The following WWOX variants were observed in gnomAD, a reference collection of about 807,000 sequenced individuals.
WWOX encodes the protein WW domain-containing oxidoreductase.
WWOX carries 69 observed loss-of-function variants against 46.2 expected under a neutral mutation model. The ratio of observed to expected loss-of-function variants is 1.49; its 90% CI spans 1.23 to 1.82. WWOX has a LOEUF of 1.82. Among genes scored for constraint, WWOX ranks in the 40% most tolerant of loss-of-function variants. The pLI, the probability that WWOX is intolerant of heterozygous loss-of-function variation, is 0.00. For synonymous variants in WWOX, 359 were observed against 202.6 expected (o/e 1.77, Z -6.56); for missense variants, 919 against 542.6 (o/e 1.69, Z -6.89).
intron 8 of WWOX, among the ~76,000 whole-genome samples, chr16:79,001,898 T>C (rs1340432082): frequency 6.6e-6 from 1 of 152,150 alleles, no homozygotes; most frequent in Admixed American, 6.5e-5. Flanking sequence ...ACCTCTTGGC[T>C]TATCTTAATT....
In WWOX at chr16:78,708,364, G is replaced by A. The variant is rs534693427; in HGVS notation, c.1056+275612G>A. Among the ~76,000 whole-genome samples, 148 of 152,072 alleles carry A rather than the reference G, an allele frequency of 9.7e-4. 1 individual carries two copies. In the South Asian group the frequency reaches 0.015, roughly 15 times the overall value. On this transcript the variant is annotated intron_variant, in intron 8 of 8. Coordinates refer to ENST00000566780, the MANE Select transcript of WWOX (RefSeq NM_016373.4). ...TTTATGTGAAACTCAAATTTTACTCGGCATCCTGTGTTTTTATTTGCTAGA... is the reference window on the plus strand; with the variant it reads ...TTTATGTGAAACTCAAATTTTACTCAGCATCCTGTGTTTTTATTTGCTAGA...
chr16:78,966,098 G>T (rs527587052), intron 8 of WWOX, among the ~76,000 whole-genome samples: 1 of 152,098 alleles, frequency 6.6e-6, no homozygotes, highest in African/African-American at 2.4e-5. Flanking sequence ...TTTTTGCGTG[G>T]CTTCTTACCT....
At chr16:78,435,565 C>T (rs1012244237) in intron 8 of WWOX, among the ~76,000 whole-genome samples, 1 of 152,086 alleles carries the variant, frequency 6.6e-6, no homozygotes, top group South Asian at 2.1e-4. Flanking sequence ...GTGGTGACAT[C>T]GCAAAAATCC....
intron 8 of WWOX, among the ~76,000 whole-genome samples, chr16:78,864,971 C>G (rs944669848): frequency 1.3e-5 from 2 of 151,700 alleles, no homozygotes; most frequent in African/African-American, 4.8e-5. Flanking sequence ...CCATGTTGGC[C>G]AGGCTGGTCT....
intron 8 of WWOX, among the ~76,000 whole-genome samples, chr16:78,808,884 C>T (rs867515161): frequency 4.6e-5 from 7 of 152,124 alleles, no homozygotes; most frequent in Non-Finnish European, 7.3e-5. Flanking sequence ...AGTTGTGTGG[C>T]TTGGTGGAGC....
intron 8 of WWOX, among the ~76,000 whole-genome samples, chr16:78,536,099 AG>A (rs1348608943): frequency 2.0e-5 from 3 of 152,184 alleles, no homozygotes; most frequent in African/African-American, 7.2e-5. Context: ...CCTTGTATAC[AG>A]TAAGCATTCA....
At chr16:78,984,437 G>C (rs1384514408) in intron 8 of WWOX, among the ~76,000 whole-genome samples, 3 of 152,208 alleles carry the variant, frequency 2.0e-5, no homozygotes, top group Non-Finnish European at 2.9e-5. Flanking sequence ...CAACTCTGCT[G>C]TTGTAGTGCA....
At chr16:79,158,424 T>A (rs1046329198) in intron 8 of WWOX, among the ~76,000 whole-genome samples, 17 of 152,140 alleles carry the variant, frequency 1.1e-4, no homozygotes, top group African/African-American at 3.4e-4. Flanking sequence ...ATCACTTGCT[T>A]TAGATGGAAT....
intron 8 of WWOX, among the ~76,000 whole-genome samples, chr16:79,126,279 AC>A (rs2049752557): frequency 6.6e-6 from 1 of 152,276 alleles, no homozygotes; most frequent in Non-Finnish European, 1.5e-5. Flanking sequence ...CACCTAGTCA[AC>A]ATGAGTGATT....
chr16:78,584,402 G>C (rs372892190), intron 8 of WWOX, among the ~76,000 whole-genome samples: 2 of 152,154 alleles, frequency 1.3e-5, no homozygotes, highest in African/African-American at 4.8e-5. Flanking sequence ...TTGGGATTTC[G>C]CAACACGTCG....
chr16:78,695,187 T>G (rs1049533806), intron 8 of WWOX, among the ~76,000 whole-genome samples: 4 of 152,204 alleles, frequency 2.6e-5, no homozygotes, highest in Admixed American at 6.5e-5. Flanking sequence ...TGTTAAGGTA[T>G]GAAAACCCTG....
At chr16:78,170,691 C>G (rs1263741734) in intron 5 of WWOX, among the ~76,000 whole-genome samples, 1 of 152,176 alleles carries the variant, frequency 6.6e-6, no homozygotes, top group African/African-American at 2.4e-5. Flanking sequence ...GAAAAGCCAT[C>G]TTAACTATTT....
intron 8 of WWOX, among the ~76,000 whole-genome samples, chr16:79,129,409 G>C (rs1242501455): frequency 6.8e-6 from 1 of 147,724 alleles, no homozygotes; most frequent in Non-Finnish European, 1.5e-5. Flanking sequence ...CGATCTTGAT[G>C]TATCTATCAA....
At chr16:78,846,582 G>A (rs1206592764) in intron 8 of WWOX, among the ~76,000 whole-genome samples, 1 of 152,080 alleles carries the variant, frequency 6.6e-6, no homozygotes, top group Non-Finnish European at 1.5e-5. Flanking sequence ...CCATTCTTCG[G>A]CCATCAAGTC....
chr16:79,186,885 T>G (rs1488496636), intron 8 of WWOX, among the ~76,000 whole-genome samples: 1 of 152,100 alleles, frequency 6.6e-6, no homozygotes, highest in Non-Finnish European at 1.5e-5. Flanking sequence ...ACATATTGGT[T>G]TTTCACCACA....
chr16:79,045,955 C>G (rs568986567), intron 8 of WWOX, among the ~76,000 whole-genome samples: 13 of 151,980 alleles, frequency 8.6e-5, no homozygotes, highest in African/African-American at 3.1e-4. Context: ...GTGCACACCA[C>G]CATGGCTGGC....
At chr16:79,109,943 C>T (rs556291503) in intron 8 of WWOX, among the ~76,000 whole-genome samples, 1 of 152,284 alleles carries the variant, frequency 6.6e-6, no homozygotes, top group South Asian at 2.1e-4. Context: ...CTTAAAATGT[C>T]AGTTGCATGG....
intron 8 of WWOX, among the ~76,000 whole-genome samples, chr16:78,674,206 A>G (rs987925706): frequency 2.0e-5 from 3 of 151,552 alleles, no homozygotes; most frequent in Admixed American, 2.0e-4. Flanking sequence ...CTTGTGACAG[A>G]GGGAGGAACA....
At position 78,384,490 on chromosome 16, in the gene WWOX, C is replaced by T. The variant is rs148492157; in HGVS notation, c.517-2370C>T. On this transcript the variant is annotated intron_variant, in intron 5 of 8. Coordinates refer to ENST00000566780, the MANE Select transcript of WWOX (RefSeq NM_016373.4). ...CAGACAGCTTATGAGGGTTCTGCTC[C>T]TCATCTGGAGGTACACACCTTTCAC... 1.4e-3 allele frequency among the ~76,000 whole-genome samples: 212 copies of T among 152,222 alleles called. 1 individual carries two copies. The highest frequency in any genetic ancestry group is 4.6e-3 in the African/African-American group (192 of 41,528).
Sources: allele counts gnomAD v4.1 joint callset (sites outside exome capture counted in the v4.1 genomes callset), GRCh38; gene constraint gnomAD v4.1.1; transcripts MANE v1.5; gene names NCBI Gene and HGNC (gene_info 2026-07-23, HGNC 2026-07-21).